The following SHROOM1 variants were observed in gnomAD, a reference collection of about 807,000 sequenced individuals.
SHROOM1 encodes the protein shroom family member 1.
SHROOM1 carries 53 observed loss-of-function variants against 64.2 expected under a neutral mutation model. That is an observed-to-expected ratio of 0.83 (90% CI 0.66 to 1.04). The LOEUF (loss-of-function observed/expected upper bound fraction) is 1.04, where lower values mean the gene tolerates loss of function less well. SHROOM1 is among the 50% of genes least tolerant of loss of function. The pLI is 0.00. For synonymous variants in SHROOM1, 490 were observed against 518.9 expected (o/e 0.94, Z 0.76); for missense variants, 1,179 against 1,163.2 (o/e 1.01, Z -0.20).
Position 132,824,633 on chromosome 5 carries a change from G to A in SHROOM1, c.1223C>T (p.Ser408Phe). 4 of 1,608,762 alleles carry A rather than the reference G, an allele frequency of 2.5e-6. No individual in the cohort carries two copies. The highest frequency in any genetic ancestry group is 3.4e-6 in the Non-Finnish European group (4 of 1,175,986). ...RMRSPPDPHASQGPPASVHAS... is the reference protein window; with the variant it reads ...RMRSPPDPHAFQGPPASVHAS... ...GAATTACCTGGCTGGGGGCCCCTGG[G>A]AGGCATGGGGGTCTGGTGGTGATCT... The change falls in exon 6 of 10, where the codon TCC becomes TTC. Residue 408 changes from serine to phenylalanine, a missense_variant. By Grantham distance (155) the Ser-to-Phe change is radical. Transcript: ENST00000378679.
intron 1 of SHROOM1, chr5:132,829,925 G>A: frequency 1.0e-6 from 1 of 985,472 alleles, no homozygotes; most frequent in South Asian, 4.7e-5. Context: ...CTGCACCCCA[G>A]ATGCAGAGTC....
chr5:132,829,542 A>G (rs1241349022), intron 1 of SHROOM1: 19 of 975,896 alleles, frequency 1.9e-5, no homozygotes, highest in Admixed American at 6.1e-5. Context: ...AAGGCGACCG[A>G]GGAGGCACAG....
In SHROOM1 at chr5:132,824,324, C is replaced by A. The variant is rs1360428978; in HGVS notation, c.1337G>T (p.Gly446Val). The A allele has an allele frequency of 6.2e-7, 1 of 1,612,628 alleles. No individual in the cohort carries two copies. The highest frequency in any genetic ancestry group is 8.5e-7 in the Non-Finnish European group (1 of 1,179,290). Residue 446 changes from glycine (G) to valine (V), a missense_variant, in exon 7 of 10, where the codon GGA becomes GTA. Coordinates refer to ENST00000378679, the MANE Select transcript of SHROOM1 (RefSeq NM_001172700.2). ...CCAGCAGTCATCTGCCCCTGCAGTT[C>A]CTGGACACTCATGGAGCGGGTACTC... ...PTEYPLHECP[G>V]TAGADDCWQG...
At position 132,823,875 on chromosome 5, in the gene SHROOM1, C is replaced by T. The variant is rs202072449; in HGVS notation, c.1786G>A (p.Glu596Lys). The T allele has an allele frequency of 7.2e-6, 11 of 1,531,288 alleles. No individual in the cohort carries two copies. The highest frequency in any genetic ancestry group is 9.6e-6 in the Non-Finnish European group (11 of 1,140,344). 94.9% of individuals were successfully genotyped at this position (1,531,288 alleles called of 1,614,324 possible). The change falls in exon 7 of 10, where the codon GAG becomes AAG. Residue 596 changes from glutamate to lysine, a missense_variant. By Grantham distance (56) the Glu-to-Lys change is moderately conservative. Transcript: ENST00000378679. This position sits in a 1 kb window ranked among gnomAD's most constrained non-coding sequence, Gnocchi z 4.6. ...CCTGGCTCAAAAGTACTGGCAGCCT[C>T]CTCTCCAGCCTCCCCACAGGCAGGC... ...MRPACGEAGEEAASTFEPGSY... is the reference protein window; with the variant it reads ...MRPACGEAGEKAASTFEPGSY...
rs767294279 is a variant in SHROOM1, at chr5:132,823,345, G to C, written c.2131C>G (p.Arg711Gly). Residue 711 changes from arginine (R) to glycine (G), a missense_variant, in exon 9 of 10, where the codon CGC (arginine) becomes GGC (glycine). Physicochemically the swap from Arg to Gly is moderately radical, Grantham distance 125. Transcript: ENST00000378679. The surrounding 1 kb of genome is among the most constrained non-coding windows in gnomAD (Gnocchi z 4.6). The stretch of plus-strand genomic sequence containing the variant: ...AGCAGCAGCAGAAGGCCAAGCACGC[G>C]CTCTAGGTCGGCCATGAACCGGCTG... ...RFSRFMADLE[R>G]VLGLLLLLGS... 2.6e-5 allele frequency: 42 copies of C among 1,606,508 alleles called. No individual in the cohort carries two copies. The highest frequency in any genetic ancestry group is 2.0e-5 in the Non-Finnish European group (24 of 1,179,612).
At position 132,830,361 on chromosome 5, in the gene SHROOM1, G is replaced by A. The variant is rs1758809006; in HGVS notation, c.-501+233C>T. ...CCGCGCCGCCAGCTTAGAGTGGGCC[G>A]CCTCTCCGCCCTGCAGCTCTGCAGC... On this transcript the variant is annotated intron_variant, in intron 1 of 9. Coordinates refer to ENST00000378679, the MANE Select transcript of SHROOM1 (RefSeq NM_001172700.2). The surrounding 1 kb of genome is among the most constrained non-coding windows in gnomAD (Gnocchi z 5.9). The A allele has an allele frequency of 2.0e-6, 2 of 984,984 alleles. No homozygotes were observed. The highest frequency in any genetic ancestry group is 6.2e-5 in the Admixed American group (1 of 16,256). The allele number at this position is 984,984 out of a possible 1,614,324, so 61.0% of individuals were successfully genotyped here. A position where few individuals can be genotyped will look rare whatever the true frequency, so the allele number is the denominator to read the frequency against.
At chr5:132,829,537 G>A in intron 1 of SHROOM1, 2 of 972,538 alleles carry the variant, frequency 2.1e-6, no homozygotes, top group Non-Finnish European at 2.4e-6. Flanking sequence ...CAAGTAAGGC[G>A]ACCGAGGAGG....
chr5:132,825,750 G>A lies in SHROOM1; in HGVS notation c.391C>T (p.Pro131Ser). The change falls in exon 4 of 10, where the codon CCG (proline) becomes TCG (serine). Residue 131 changes from proline (P) to serine (S), a missense_variant. Transcript: ENST00000378679. This position sits in a 1 kb window ranked among gnomAD's most constrained non-coding sequence, Gnocchi z 5.1. ...GCCCTCGAGGCCGGCGGGCTGGGCG[G>A]CTCGGCAGCCTGCGCCGCGGCCTCC... is the stretch of plus-strand genomic sequence containing the variant. The part of the protein sequence containing the change: ...EAEAAAQAAE[P>S]PSPPASRAAY... 1 of 1,250,948 alleles carries A rather than the reference G, an allele frequency of 8.0e-7. No individual in the cohort carries two copies. The highest frequency in any genetic ancestry group is 3.1e-4 in the Middle Eastern group (1 of 3,260). 77.5% of individuals were successfully genotyped at this position (1,250,948 alleles called of 1,614,324 possible). A position where few individuals can be genotyped will look rare whatever the true frequency, so the allele number is the denominator to read the frequency against.
chr5:132,823,340 C>T lies in SHROOM1; in HGVS notation c.2136G>A (p.Val712=). 6.2e-7 allele frequency: 1 copy of T among 1,606,224 alleles called. No homozygotes were observed. Among genetic ancestry groups the T allele is most frequent in the Non-Finnish European group, 8.5e-7 (1 of 1,179,602 alleles). The change falls in exon 9 of 10, where the codon GTG becomes GTA. Residue 712 remains valine (V), a synonymous_variant. Transcript: ENST00000378679. This position sits in a 1 kb window ranked among gnomAD's most constrained non-coding sequence, Gnocchi z 4.6. ...FSRFMADLER[V]LGLLLLLGSR... ...TGCCCAGCAGCAGCAGAAGGCCAAGCACGCGCTCTAGGTCGGCCATGAACC... is the reference window on the plus strand; with the variant it reads ...TGCCCAGCAGCAGCAGAAGGCCAAGTACGCGCTCTAGGTCGGCCATGAACC...
At chr5:132,829,462 A>T in intron 1 of SHROOM1, 4 of 599,590 alleles carry the variant, frequency 6.7e-6, no homozygotes, top group Non-Finnish European at 6.3e-6. Flanking sequence ...GTTAGAGGTT[A>T]CTGGGGAAAT....
chr5:132,823,074 C>A lies in SHROOM1; in HGVS notation c.2281G>T (p.Glu761Ter). The change falls in exon 10 of 10, where the codon GAG (glutamate) becomes TAG (stop). Residue 761 changes from glutamate (E) to a stop codon, truncating the protein, a stop_gained. Coordinates refer to ENST00000378679, the MANE Select transcript of SHROOM1 (RefSeq NM_001172700.2). LOFTEE classifies it high-confidence loss of function. The surrounding 1 kb of genome is among the most constrained non-coding windows in gnomAD (Gnocchi z 4.6). ...CGCCGCGCTACGTGCTCCTTCAGCT[C>A]CTTGGCGTCCTCCTCCTGCCGCTGC... The part of the protein sequence containing the change: ...LLQRQEEDAK[E>*]LKEHVARRER... 1 of 1,590,866 alleles carries A rather than the reference C, an allele frequency of 6.3e-7. No homozygotes were observed. The highest frequency in any genetic ancestry group is 2.3e-5 in the East Asian group (1 of 44,302).
At position 132,825,309 on chromosome 5, in the gene SHROOM1, C is replaced by T. The variant is rs747108477; in HGVS notation, c.832G>A (p.Glu278Lys). 6 of 1,611,042 alleles carry T rather than the reference C, an allele frequency of 3.7e-6. No individual in the cohort carries two copies. Among genetic ancestry groups the T allele is most frequent in the Non-Finnish European group, 4.2e-6 (5 of 1,179,738 alleles). Residue 278 changes from glutamate to lysine, a missense_variant, in exon 4 of 10, where the codon GAG becomes AAG. Transcript: ENST00000378679. This position sits in a 1 kb window ranked among gnomAD's most constrained non-coding sequence, Gnocchi z 5.1. ...FEDHEVGWLP[E>K]TQPQGSMNLD... ...TTCATGGAGCCTTGGGGTTGCGTCT[C>T]GGGCAGCCATCCGACCTCGTGATCT...
chr5:132,822,683 C>T lies in SHROOM1; in HGVS notation c.*113G>A, dbSNP rs1281273007. ...CGGCTGGAGGAGTATCTTAGAAAGGCCTGGACTGGGTCCTCCCCAATCCCT... is the reference window on the plus strand; with the variant it reads ...CGGCTGGAGGAGTATCTTAGAAAGGTCTGGACTGGGTCCTCCCCAATCCCT... On this transcript the variant is annotated 3_prime_UTR_variant, in exon 10 of 10. Coordinates refer to ENST00000378679, the MANE Select transcript of SHROOM1 (RefSeq NM_001172700.2). 1 of 1,265,966 alleles carries T rather than the reference C, an allele frequency of 7.9e-7. No homozygotes were observed. Among genetic ancestry groups the T allele is most frequent in the African/African-American group, 1.5e-5 (1 of 66,126 alleles). The allele number at this position is 1,265,966 out of a possible 1,614,324, so 78.4% of individuals were successfully genotyped here.
chr5:132,830,066 G>C lies in SHROOM1; in HGVS notation c.-501+528C>G. 1 of 985,330 alleles carries C rather than the reference G, an allele frequency of 1.0e-6. No homozygotes were observed. Among genetic ancestry groups the C allele is most frequent in the African/African-American group, 1.7e-5 (1 of 57,330 alleles). The allele number at this position is 985,330 out of a possible 1,614,324, so 61.0% of individuals were successfully genotyped here. A position where few individuals can be genotyped will look rare whatever the true frequency, so the allele number is the denominator to read the frequency against. Reference sequence around the variant, plus strand: ...TCTCTGGGAGCCGAGGCACGGGAGGGAGAGAGGCGCAGGCCCCGGCGGCCG... The same window carrying C: ...TCTCTGGGAGCCGAGGCACGGGAGGCAGAGAGGCGCAGGCCCCGGCGGCCG... On this transcript the variant is annotated intron_variant, in intron 1 of 9. Coordinates refer to ENST00000378679, the MANE Select transcript of SHROOM1 (RefSeq NM_001172700.2). This position sits in a 1 kb window ranked among gnomAD's most constrained non-coding sequence, Gnocchi z 5.9.
At position 132,822,783 on chromosome 5, in the gene SHROOM1, T is replaced by C. The variant is rs1428299290; in HGVS notation, c.*13A>G. 1 of 1,575,500 alleles carries C rather than the reference T, an allele frequency of 6.3e-7. No homozygotes were observed. ...GAGATAGGGGCGGTGCACCCCACCCTCTCCACCTATAACTATGTAAGGAGA... is the reference window on the plus strand; with the variant it reads ...GAGATAGGGGCGGTGCACCCCACCCCCTCCACCTATAACTATGTAAGGAGA... On this transcript the variant is annotated 3_prime_UTR_variant, in exon 10 of 10. Transcript: ENST00000378679.
At position 132,823,796 on chromosome 5, in the gene SHROOM1, C is replaced by A. The variant is rs775884764; in HGVS notation, c.1812-32G>T. 12 of 1,533,532 alleles carry A rather than the reference C, an allele frequency of 7.8e-6. No individual in the cohort carries two copies. In the East Asian group the frequency reaches 1.1e-4, roughly 14 times the overall value. The allele number at this position is 1,533,532 out of a possible 1,614,324, so 95.0% of individuals were successfully genotyped here. A position where few individuals can be genotyped will look rare whatever the true frequency, so the allele number is the denominator to read the frequency against. ...ACAAAACCAGAGCTCCCTGGGTTTC[C>A]TGTCCCCAACTTCAGGGGCTCAGTG... On this transcript the variant is annotated intron_variant, in intron 7 of 9. Transcript: ENST00000378679. The surrounding 1 kb of genome is among the most constrained non-coding windows in gnomAD (Gnocchi z 4.6).
At chr5:132,828,799 G>C (rs1758772567) in intron 1 of SHROOM1, among the ~76,000 whole-genome samples, 1 of 152,252 alleles carries the variant, frequency 6.6e-6, no homozygotes, top group African/African-American at 2.4e-5. Flanking sequence ...TTTTGCACTG[G>C]TGGCCCTATC....
At position 132,830,489 on chromosome 5, in the gene SHROOM1, G is replaced by A; in HGVS notation, c.-501+105C>T. On this transcript the variant is annotated intron_variant, in intron 1 of 9. Transcript: ENST00000378679. The surrounding 1 kb of genome is among the most constrained non-coding windows in gnomAD (Gnocchi z 5.9). Reference sequence around the variant, plus strand: ...ATGCCCGGGCTGCCCCGCGACCACCGCCTCGCCGCCCGCTCTTCACCCCCG... The same window carrying A: ...ATGCCCGGGCTGCCCCGCGACCACCACCTCGCCGCCCGCTCTTCACCCCCG... 1 of 985,060 alleles carries A rather than the reference G, an allele frequency of 1.0e-6. No individual in the cohort carries two copies. Among genetic ancestry groups the A allele is most frequent in the Non-Finnish European group, 1.2e-6 (1 of 829,782 alleles). 61.0% of individuals were successfully genotyped at this position (985,060 alleles called of 1,614,324 possible).
At position 132,825,415 on chromosome 5, in the gene SHROOM1, G is replaced by A. The variant is rs139618896; in HGVS notation, c.726C>T (p.Cys242=). 3.8e-6 allele frequency: 6 copies of A among 1,592,978 alleles called. No homozygotes were observed. The African/African-American group carries it at 6.7e-5, about 18-fold the overall frequency. The change falls in exon 4 of 10, where the codon TGC becomes TGT. Residue 242 remains cysteine, a synonymous_variant. Coordinates refer to ENST00000378679, the MANE Select transcript of SHROOM1 (RefSeq NM_001172700.2). This position sits in a 1 kb window ranked among gnomAD's most constrained non-coding sequence, Gnocchi z 5.1. The part of the protein sequence containing the change: ...VGRGGGPARE[C]LGEACSSSGL... ...CAGAGCTGGAGCAGGCCTCACCCAG[G>A]CATTCCCGCGCCGGCCCACCGCCCC...
Sources: allele counts gnomAD v4.1 joint callset (sites outside exome capture counted in the v4.1 genomes callset), GRCh38; gene constraint gnomAD v4.1.1; non-coding constraint Gnocchi (gnomAD v3.1); transcripts MANE v1.5; gene names NCBI Gene and HGNC (gene_info 2026-07-23, HGNC 2026-07-21).